Variants in CADM2 observed in about 807,000 individuals in gnomAD.
CADM2 encodes the protein immunoglobulin superfamily member 4D.
CADM2 carries 12 observed loss-of-function variants against 49.8 expected under a neutral mutation model. That is an observed-to-expected ratio of 0.24 (90% CI 0.15 to 0.39). CADM2 has a LOEUF of 0.39. Ranked by LOEUF, CADM2 falls within the 10% of genes least tolerant of loss-of-function variation. CADM2 has a pLI of 1.00. For synonymous variants in CADM2, 214 were observed against 175.4 expected (o/e 1.22, Z -1.74); for missense variants, 378 against 492.3 (o/e 0.77, Z 2.20).
chr3:85,103,587 G>C (rs999336233), intron 1 of CADM2, among the ~76,000 whole-genome samples: 1 of 152,176 alleles, frequency 6.6e-6, no homozygotes, highest in Non-Finnish European at 1.5e-5. Flanking sequence ...ATAACCGAAT[G>C]GGAGTTCAGA....
Position 85,240,670 on chromosome 3 carries a change from A to T in CADM2, c.61+281002A>T, listed in dbSNP as rs7617601. Among the ~76,000 whole-genome samples, 709 of 151,600 alleles carry T rather than the reference A, an allele frequency of 4.7e-3. 7 individuals are homozygous for T. The highest frequency in any genetic ancestry group is 0.017 in the African/African-American group (687 of 41,502). On this transcript the variant is annotated intron_variant, in intron 1 of 9. Transcript: ENST00000383699. ...ATTTCAAAATCCTGTTTATTTTCTC[A>T]GTTTGCTAAGACACCTAAAGATAAG...
chr3:85,121,842 A>G (rs1476759948), intron 1 of CADM2, among the ~76,000 whole-genome samples: 2 of 152,138 alleles, frequency 1.3e-5, no homozygotes, highest in African/African-American at 4.8e-5. Flanking sequence ...CAATTTTAAA[A>G]TATAATTAAA....
At chr3:85,982,120 T>A (rs1317215553) in intron 8 of CADM2, among the ~76,000 whole-genome samples, 1 of 151,764 alleles carries the variant, frequency 6.6e-6, no homozygotes, top group Non-Finnish European at 1.5e-5. Context: ...GTTGAGCATT[T>A]TTTCATATGC....
At chr3:85,930,896 A>G (rs959493808) in intron 6 of CADM2, among the ~76,000 whole-genome samples, 3 of 149,210 alleles carry the variant, frequency 2.0e-5, no homozygotes, top group African/African-American at 7.3e-5. Flanking sequence ...TTATATGTTA[A>G]TTAATTAATA....
rs1425395429 is a variant in CADM2 at position 85,347,028 on chromosome 3, G to A, written c.62-379494G>A. On this transcript the variant is annotated intron_variant, in intron 1 of 9. Coordinates refer to ENST00000383699, the MANE Select transcript of CADM2 (RefSeq NM_001167675.2). The stretch of plus-strand genomic sequence containing the variant: ...ACTTGACGTCAGGAGTTCAAGACCA[G>A]CCTGGCCAACATGGCGAAATCCCGT... Among the ~76,000 whole-genome samples the A allele has an allele frequency of 2.6e-5, 4 of 151,938 alleles. No individual in the cohort carries two copies. In the East Asian group the frequency reaches 7.7e-4, roughly 29 times the overall value.
chr3:85,282,957 C>G (rs1280093411), intron 1 of CADM2, among the ~76,000 whole-genome samples: 1 of 151,940 alleles, frequency 6.6e-6, no homozygotes, highest in African/African-American at 2.4e-5. Context: ...TCCTAAATAC[C>G]CTGACTTCAT....
intron 1 of CADM2, among the ~76,000 whole-genome samples, chr3:84,972,666 TA>T (rs1211793340): frequency 1.3e-5 from 2 of 152,204 alleles, no homozygotes; most frequent in Non-Finnish European, 2.9e-5. Flanking sequence ...TCATGTACAT[TA>T]AAAATTTTCT....
At chr3:85,006,078 A>T (rs189401559) in intron 1 of CADM2, among the ~76,000 whole-genome samples, 39 of 152,278 alleles carry the variant, frequency 2.6e-4, no homozygotes, top group African/African-American at 8.9e-4. Context: ...GCTTTACTGT[A>T]CACAGACACA....
intron 2 of CADM2, among the ~76,000 whole-genome samples, chr3:85,735,896 A>G (rs982556245): frequency 1.6e-4 from 25 of 152,316 alleles, no homozygotes; most frequent in African/African-American, 6.0e-4. Flanking sequence ...TGTGAAGATG[A>G]TAAGTAACAA....
chr3:85,763,156 C>T (rs1402315098), intron 2 of CADM2, among the ~76,000 whole-genome samples: 1 of 152,144 alleles, frequency 6.6e-6, no homozygotes, highest in East Asian at 1.9e-4. Flanking sequence ...CATTGCAATA[C>T]TCTGCTGACA....
intron 1 of CADM2, among the ~76,000 whole-genome samples, chr3:85,120,807 C>T (rs1159054197): frequency 1.3e-5 from 2 of 151,938 alleles, no homozygotes; most frequent in African/African-American, 2.4e-5. Flanking sequence ...TACCCCAGAA[C>T]TTAAAGTATA....
At chr3:85,061,291 T>C (rs1259444382) in intron 1 of CADM2, among the ~76,000 whole-genome samples, 2 of 152,140 alleles carry the variant, frequency 1.3e-5, no homozygotes, top group Non-Finnish European at 2.9e-5. Context: ...AGAGACCATT[T>C]ATTAAAAGTT....
intron 1 of CADM2, among the ~76,000 whole-genome samples, chr3:85,043,110 A>T (rs1480812266): frequency 6.6e-6 from 1 of 152,050 alleles, no homozygotes; most frequent in African/African-American, 2.4e-5. Context: ...AGTGGAAGAT[A>T]AGGGTTATTT....
chr3:85,341,596 T>C (rs1272542263), intron 1 of CADM2, among the ~76,000 whole-genome samples: 1 of 151,978 alleles, frequency 6.6e-6, no homozygotes, highest in Non-Finnish European at 1.5e-5. Flanking sequence ...GTCTTGCATA[T>C]GTTTAGCTTA....
rs539798223 is a variant in CADM2 at position 85,619,510 on chromosome 3, A to G, written c.62-107012A>G. On this transcript the variant is annotated intron_variant, in intron 1 of 9. Transcript: ENST00000383699. ...CTGTGGAGATCACTGCAAATCAGTT[A>G]GATACATCACCTTCCACTTGCTACC... 5.9e-5 allele frequency among the ~76,000 whole-genome samples: 9 copies of G among 152,238 alleles called. No individual in the cohort carries two copies. The East Asian group carries it at 1.7e-3, about 30-fold the overall frequency.
intron 1 of CADM2, among the ~76,000 whole-genome samples, chr3:85,203,987 T>A (rs1223447503): frequency 2.6e-5 from 4 of 152,216 alleles, no homozygotes; most frequent in Non-Finnish European, 5.9e-5. Context: ...GTTTTGATAC[T>A]TTCACTGAAA....
intron 1 of CADM2, among the ~76,000 whole-genome samples, chr3:85,031,462 C>T (rs17022305): frequency 0.062 from 9,469 of 152,172 alleles, 393 homozygotes; most frequent in Admixed American, 0.1. Context: ...GTTCTGTGTT[C>T]CCCTTACCCG....
At position 85,291,993 on chromosome 3, in the gene CADM2, C is replaced by A. The variant is rs567113715; in HGVS notation, c.61+332325C>A. Among the ~76,000 whole-genome samples, 132 of 152,104 alleles carry A rather than the reference C, an allele frequency of 8.7e-4. 1 individual carries two copies. In the Middle Eastern group the frequency reaches 0.024, roughly 27 times the overall value. On this transcript the variant is annotated intron_variant, in intron 1 of 9. Coordinates refer to ENST00000383699, the MANE Select transcript of CADM2 (RefSeq NM_001167675.2). The stretch of plus-strand genomic sequence containing the variant: ...TCTCCAATTAAAAGACATAGACTGG[C>A]AAATTGGATAAACAGTCAAGACCCA...
chr3:85,937,886 G>GTCAT (rs1221352277), intron 7 of CADM2, among the ~76,000 whole-genome samples: 2 of 152,004 alleles, frequency 1.3e-5, no homozygotes, highest in African/African-American at 4.8e-5. Flanking sequence ...AAGTAAAGTA[G>GTCAT]TCATTATATG....
Sources: gnomAD v4.1 joint callset for allele counts (sites outside exome capture counted in the v4.1 genomes callset) on GRCh38, gnomAD v4.1.1 for gene constraint, MANE v1.5 for transcripts, NCBI Gene and HGNC (gene_info 2026-07-23, HGNC 2026-07-21) for gene names.